The following VILL variants were observed in gnomAD, a reference collection of about 807,000 sequenced individuals.
VILL encodes the protein villin-like protein.
Under a neutral mutation model 106.3 loss-of-function variants are expected in VILL, and 102 were observed. The ratio of observed to expected loss-of-function variants is 0.96; its 90% confidence interval spans 0.82 to 1.13. The LOEUF (loss-of-function observed/expected upper bound fraction) is 1.13. Among genes scored for constraint, VILL ranks in the 50% most tolerant of loss-of-function variants. The pLI is 0.00. For missense variants in VILL, 1,076 were observed against 1,116.6 expected (o/e 0.96, Z 0.52); for synonymous variants, 431 against 440.3 (o/e 0.98, Z 0.27).
rs764257095 is a variant in VILL at position 37,999,004 on chromosome 3, G to T, written c.1035G>T (p.Arg345=). Residue 345 remains arginine (R), a synonymous_variant, in exon 10 of 20, where the codon CGG becomes CGT. Transcript: ENST00000383759. Reference sequence around the variant, plus strand: ...CGGCCGCGTTCAAGCAGCTCTTCCGGACTTGGTCTGAGAAGCGGCGCAGGA... The same window carrying T: ...CGGCCGCGTTCAAGCAGCTCTTCCGTACTTGGTCTGAGAAGCGGCGCAGGA... ...AESAAFKQLF[R]TWSEKRRRNQ... is the part of the protein sequence containing the mutation. 1.2e-6 allele frequency: 2 copies of T among 1,601,962 alleles called. No homozygotes were observed. The highest frequency in any genetic ancestry group is 3.4e-5 in the Admixed American group (2 of 59,388).
At chr3:37,990,450 T>C (rs767489303), upstream of VILL, among the ~76,000 whole-genome samples, 8 of 152,012 alleles carry the variant, frequency 5.3e-5, no homozygotes, top group Non-Finnish European at 1.2e-4. This position sits in a 1 kb window ranked among gnomAD's most constrained non-coding sequence, Gnocchi z 5.1. Flanking sequence ...AGCCCACCAC[T>C]CCGGGTGAGG....
In VILL at chr3:37,998,312, AG is replaced by A. The variant is rs752551232; in HGVS notation, c.893del (p.Gly298AspfsTer34). 6.2e-7 allele frequency: 1 copy of A among 1,614,156 alleles called. No homozygotes were observed. The highest frequency in any genetic ancestry group is 1.7e-5 in the Admixed American group (1 of 60,020). The stretch of plus-strand genomic sequence containing the variant: ...GGTGGCTTCAAGATCTATGTGTGGC[AG>A]GGACGCATGTCTAGCCTCCAGGAGA... ...DQGGFKIYVW[Q>X]GRMSSLQERK... On this transcript the variant is annotated frameshift_variant, in exon 9 of 20. Transcript: ENST00000383759. LOFTEE classifies it high-confidence loss of function. This position sits in a 1 kb window ranked among gnomAD's most constrained non-coding sequence, Gnocchi z 4.1.
intron 12 of VILL, 39 bp downstream of exon 12, chr3:38,001,632 C>T (rs1238364844): frequency 6.2e-7 from 1 of 1,613,536 alleles, no homozygotes; most frequent in Non-Finnish European, 8.5e-7. Flanking sequence ...ACCTTAAAGC[C>T]CAAGGGCTGG....
At position 38,001,500 on chromosome 3, in the gene VILL, G is replaced by A. The variant is rs754342888; in HGVS notation, c.1227G>A (p.Lys409=). The change falls in exon 12 of 20, where the codon AAG becomes AAA. Residue 409 remains lysine, a synonymous_variant. Transcript: ENST00000383759. ...TACACAGGCAGCCCGTGGACCCCAAGCGTCATGGACAGCTGTGTGCAGGCA... is the reference window on the plus strand; with the variant it reads ...TACACAGGCAGCCCGTGGACCCCAAACGTCATGGACAGCTGTGTGCAGGCA... The part of the protein sequence containing the change: ...QDLHRQPVDP[K]RHGQLCAGNC... 1.9e-6 allele frequency: 3 copies of A among 1,614,094 alleles called. No individual in the cohort carries two copies. Among genetic ancestry groups the A allele is most frequent in the Non-Finnish European group, 2.5e-6 (3 of 1,180,030 alleles).
Position 38,004,257 on chromosome 3 carries a change from T to A in VILL, c.1808T>A (p.Leu603His), listed in dbSNP as rs945151817. 1.2e-5 allele frequency: 19 copies of A among 1,609,542 alleles called. No individual in the cohort carries two copies. The highest frequency in any genetic ancestry group is 1.6e-5 in the Non-Finnish European group (19 of 1,176,556). Residue 603 changes from leucine to histidine, a missense_variant and splice_region_variant, in exon 16 of 20, where the codon CTC becomes CAC. Transcript: ENST00000383759. ...GRAPYPSNKR[L>H]PEEVPSFQPR... Reference sequence around the variant, plus strand: ...GCCTTGCTGTCCGTGCTGGCCAGGCTCCCTGAGGAGGTCCCCAGCTTCCAG... The same window carrying A: ...GCCTTGCTGTCCGTGCTGGCCAGGCACCCTGAGGAGGTCCCCAGCTTCCAG...
In VILL at chr3:37,998,914, CT is replaced by C. The variant is rs543566434; in HGVS notation, c.947del (p.Phe316SerfsTer16). On this transcript the variant is annotated frameshift_variant, in exon 10 of 20. Coordinates refer to ENST00000383759, the MANE Select transcript of VILL (RefSeq NM_015873.4). LOFTEE classifies it high-confidence loss of function. This position sits in a 1 kb window ranked among gnomAD's most constrained non-coding sequence, Gnocchi z 4.1. ...ACTGACGATGCCTTCCGCCCCAGGG[CT>C]TCATCCAGGCCAAGGGCTACCCGAC... ...RKAAFSRAVG[F>X]IQAKGYPTYT... 46 of 1,592,376 alleles carry C rather than the reference CT, an allele frequency of 2.9e-5. No individual in the cohort carries two copies. In the East Asian group the frequency reaches 1.0e-3, roughly 35 times the overall value.
intron 19 of VILL, 71 bp from the exon 20 acceptor site, chr3:38,006,868 CACT>C (rs1472084899): frequency 6.6e-7 from 1 of 1,515,842 alleles, no homozygotes; most frequent in East Asian, 2.3e-5. Context: ...GGATGACTGA[CACT>C]ACTGAGTGGG....
Position 37,999,052 on chromosome 3 carries a change from T to TGAGCGGGCGGGGCGGGGC in VILL, c.1081+3_1081+20dup, listed in dbSNP as rs1553691279. ...GGAACCAGAAGCTCGGCGGGAGGGG[T>TGAGCGGGCGGGGCGGGGC]GAGCGGGCGGGGCGGGGCTGACGGG... On this transcript the variant is annotated splice_region_variant and intron_variant, in intron 10 of 19. Coordinates refer to ENST00000383759, the MANE Select transcript of VILL (RefSeq NM_015873.4). The TGAGCGGGCGGGGCGGGGC allele has an allele frequency of 5.3e-6, 6 of 1,129,340 alleles. No homozygotes were observed. In the East Asian group the frequency reaches 1.3e-4, roughly 25 times the overall value. The allele number at this position is 1,129,340 out of a possible 1,614,324, so 70.0% of individuals were successfully genotyped here. A position where few individuals can be genotyped will look rare whatever the true frequency, so the allele number is the denominator to read the frequency against.
In VILL at chr3:38,002,580, C is replaced by A. The variant is rs1383506096; in HGVS notation, c.1659+5C>A. On this transcript the variant is annotated splice_donor_5th_base_variant and intron_variant, in intron 14 of 19. Transcript: ENST00000383759. The stretch of plus-strand genomic sequence containing the variant: ...TGCTACCTCTGGTTTGGGAAGGTAC[C>A]CACAGCACTGACCACTTGATTCATG... The A allele has an allele frequency of 6.2e-7, 1 of 1,611,174 alleles. No individual in the cohort carries two copies. Among genetic ancestry groups the A allele is most frequent in the Non-Finnish European group, 8.5e-7 (1 of 1,178,394 alleles).
At chr3:38,000,045 C>T (rs771645026) in intron 11 of VILL, among the ~76,000 whole-genome samples, 23 of 152,234 alleles carry the variant, frequency 1.5e-4, no homozygotes. Context: ...TGTTGGCTGA[C>T]CCCCTAGGCA....
intron 16 of VILL, 100 bp downstream of exon 16, chr3:38,004,499 G>A: frequency 6.8e-7 from 1 of 1,467,936 alleles, no homozygotes; most frequent in Non-Finnish European, 9.3e-7. Flanking sequence ...TCTGTACACA[G>A]GGCTGTGGGT....
intron 2 of VILL, 52 bp from the exon 3 acceptor site, chr3:37,993,846 G>A: frequency 1.2e-6 from 2 of 1,610,136 alleles, no homozygotes; most frequent in East Asian, 2.2e-5. Context: ...ACCCCAGCGG[G>A]TGTCATGGGT....
At chr3:38,004,796 G>C (rs890614214) in intron 16 of VILL, among the ~76,000 whole-genome samples, 1 of 152,208 alleles carries the variant, frequency 6.6e-6, no homozygotes, top group East Asian at 1.9e-4. Context: ...GTGAGTGTTT[G>C]CCTTCGTGCA....
chr3:37,989,890 C>T (rs1218008604), upstream of VILL, among the ~76,000 whole-genome samples: 1 of 152,240 alleles, frequency 6.6e-6, no homozygotes, highest in Non-Finnish European at 1.5e-5. Context: ...CAGTCACACA[C>T]TAGCTGTAGG....
chr3:37,993,710 G>C lies in VILL; in HGVS notation c.38G>C (p.Gly13Ala), dbSNP rs1332181009. The change falls in exon 2 of 20, where the codon GGC (glycine) becomes GCC (alanine). Residue 13 changes from glycine (G) to alanine (A), a missense_variant. By Grantham distance (60) the Gly-to-Ala change is moderately conservative. Coordinates refer to ENST00000383759, the MANE Select transcript of VILL (RefSeq NM_015873.4). ...ISKGLPGMQG[G>A]LHIWISENRK... is the part of the protein sequence containing the mutation. ...AAGGGCCTCCCAGGCATGCAGGGAGGCCTCCACATATGGATCTCTGAGGTG... is the reference window on the plus strand; with the variant it reads ...AAGGGCCTCCCAGGCATGCAGGGAGCCCTCCACATATGGATCTCTGAGGTG... 6.2e-7 allele frequency: 1 copy of C among 1,614,122 alleles called. No homozygotes were observed. The highest frequency in any genetic ancestry group is 1.7e-5 in the Admixed American group (1 of 60,022).
At chr3:37,991,905 A>G (rs1699616421) in intron 1 of VILL, among the ~76,000 whole-genome samples, 1 of 151,992 alleles carries the variant, frequency 6.6e-6, no homozygotes, top group Non-Finnish European at 1.5e-5. Flanking sequence ...TCCTCCCTGG[A>G]GTCCAGGTGA....
chr3:37,997,459 T>C lies in VILL; in HGVS notation c.562-24T>C. On this transcript the variant is annotated intron_variant, in intron 6 of 19. Coordinates refer to ENST00000383759, the MANE Select transcript of VILL (RefSeq NM_015873.4). The surrounding 1 kb of genome is among the most constrained non-coding windows in gnomAD (Gnocchi z 4.7). The stretch of plus-strand genomic sequence containing the variant: ...GTGAGAGGGCACACTGGTGACACCC[T>C]GACTCCCAGGTCCTCTCCCGCAGGG... 1 of 1,611,212 alleles carries C rather than the reference T, an allele frequency of 6.2e-7. No individual in the cohort carries two copies. The highest frequency in any genetic ancestry group is 8.5e-7 in the Non-Finnish European group (1 of 1,179,558).
In VILL at chr3:37,993,619, T is replaced by G. The variant is rs1261967064; in HGVS notation, c.-54T>G. The G allele has an allele frequency of 2.9e-5, 46 of 1,564,292 alleles. No individual in the cohort carries two copies. The highest frequency in any genetic ancestry group is 3.7e-5 in the Non-Finnish European group (42 of 1,138,656). Reference sequence around the variant, plus strand: ...GGTAGCCAGGTGTCGGTCTCCAGCCTGAGAACTCTGGCTGTTGTTCCTTGT... The same window carrying G: ...GGTAGCCAGGTGTCGGTCTCCAGCCGGAGAACTCTGGCTGTTGTTCCTTGT... On this transcript the variant is annotated 5_prime_UTR_variant, in exon 2 of 20. Transcript: ENST00000383759.
At chr3:37,996,657 C>T (rs184916411) in intron 5 of VILL, among the ~76,000 whole-genome samples, 5 of 152,244 alleles carry the variant, frequency 3.3e-5, no homozygotes, top group Admixed American at 3.3e-4. Flanking sequence ...CACCATGAAG[C>T]CCCATGTTTC....
Sources: gnomAD v4.1 joint callset for allele counts (sites outside exome capture counted in the v4.1 genomes callset) on GRCh38, gnomAD v4.1.1 for gene constraint, Gnocchi (gnomAD v3.1) non-coding constraint, MANE v1.5 for transcripts, NCBI Gene and HGNC (gene_info 2026-07-23, HGNC 2026-07-21) for gene names.